MECOM: variants seen among roughly 807,000 people sequenced by gnomAD.
MECOM encodes the protein MDS1 and EVI1 complex locus.
Under a neutral mutation model 116.3 loss-of-function variants are expected in MECOM, and 13 were observed. The observed-to-expected ratio is 0.11, with a 90% CI of 0.07 to 0.18. The LOEUF (loss-of-function observed/expected upper bound fraction) is 0.18, where lower values mean the gene tolerates loss of function less well. Among genes scored for constraint, MECOM ranks in the 10% least tolerant of loss-of-function variants. MECOM has a pLI of 1.00. For missense variants in MECOM, 1,299 were observed against 1,509.0 expected (o/e 0.86, Z 2.31); for synonymous variants, 528 against 535.2 (o/e 0.99, Z 0.19).
chr3:169,366,915 C>T (rs1402244177), intron 2 of MECOM, among the ~76,000 whole-genome samples: 4 of 152,038 alleles, frequency 2.6e-5, no homozygotes, highest in African/African-American at 9.7e-5. Flanking sequence ...CATACACACA[C>T]ATCTTCTATG....
intron 1 of MECOM, among the ~76,000 whole-genome samples, chr3:169,647,858 T>C (rs1286812152): frequency 6.6e-6 from 1 of 152,128 alleles, no homozygotes; most frequent in Non-Finnish European, 1.5e-5. Flanking sequence ...GTTAATGCCC[T>C]GCAGAAGGAT....
At chr3:169,540,127 C>T (rs1012215160) in intron 1 of MECOM, among the ~76,000 whole-genome samples, 1 of 152,200 alleles carries the variant, frequency 6.6e-6, no homozygotes, top group Non-Finnish European at 1.5e-5. Context: ...CATTTTCCAG[C>T]TGCCTCTTGG....
At chr3:169,362,059 G>C (rs1728394460) in intron 2 of MECOM, among the ~76,000 whole-genome samples, 5 of 151,816 alleles carry the variant, frequency 3.3e-5, no homozygotes, top group Admixed American at 3.3e-4. Flanking sequence ...TTTCACACGG[G>C]AGAAATGATA....
intron 2 of MECOM, among the ~76,000 whole-genome samples, chr3:169,249,267 CTG>C (rs1006638191): frequency 5.3e-5 from 8 of 152,202 alleles, no homozygotes; most frequent in African/African-American, 1.9e-4. Flanking sequence ...GCTACCATAA[CTG>C]AACCATTTCT....
chr3:169,357,216 C>T (rs1197863204), intron 2 of MECOM, among the ~76,000 whole-genome samples: 5 of 151,794 alleles, frequency 3.3e-5, no homozygotes, highest in Admixed American at 6.6e-5. Context: ...ATAACAATAG[C>T]CTTAAAATGT....
intron 2 of MECOM, among the ~76,000 whole-genome samples, chr3:169,234,876 A>C (rs1468762034): frequency 6.6e-6 from 1 of 152,208 alleles, no homozygotes; most frequent in African/African-American, 2.4e-5. Flanking sequence ...TCCCAGAGGA[A>C]TTAAAATTAA....
intron 2 of MECOM, among the ~76,000 whole-genome samples, chr3:169,267,510 T>C (rs929125338): frequency 5.9e-5 from 9 of 152,174 alleles, no homozygotes; most frequent in South Asian, 2.1e-4. Flanking sequence ...TGCTTCTAGC[T>C]TTATTTAAGA....
intron 11 of MECOM, 78 bp from the exon 12 acceptor site, chr3:169,101,040 C>A: frequency 2.2e-6 from 2 of 906,702 alleles, no homozygotes; most frequent in Non-Finnish European, 1.7e-6. Context: ...CAGCCAGATG[C>A]TTATTCCTGA....
chr3:169,276,479 G>A lies in MECOM; in HGVS notation c.375+104708C>T, dbSNP rs181152756. Among the ~76,000 whole-genome samples the A allele has an allele frequency of 1.8e-3, 266 of 151,140 alleles. 2 individuals carry two copies. The highest frequency in any genetic ancestry group is 5.9e-3 in the African/African-American group (242 of 41,132). ...GAGGCAGGATAATTGCTTGAAACCG[G>A]GAGGCAGAGGTTGCAGTGAGCTGAG... On this transcript the variant is annotated intron_variant, in intron 2 of 16. Coordinates refer to ENST00000651503, the MANE Select transcript of MECOM (RefSeq NM_004991.4).
intron 1 of MECOM, among the ~76,000 whole-genome samples, chr3:169,542,340 A>C (rs1196557960): frequency 6.6e-6 from 1 of 152,072 alleles, no homozygotes; most frequent in African/African-American, 2.4e-5. Flanking sequence ...AAAAAAAAGA[A>C]CAGACTTATT....
chr3:169,649,022 G>A (rs1037815041), intron 1 of MECOM, among the ~76,000 whole-genome samples: 1 of 152,202 alleles, frequency 6.6e-6, no homozygotes, highest in Non-Finnish European at 1.5e-5. Flanking sequence ...CTGTGAGCAT[G>A]GAAGGAGTAA....
intron 1 of MECOM, among the ~76,000 whole-genome samples, chr3:169,428,475 T>C (rs1741085010): frequency 6.6e-6 from 1 of 152,186 alleles, no homozygotes; most frequent in East Asian, 1.9e-4. Context: ...AGTGCTCACC[T>C]GACAGCTGCT....
In MECOM at chr3:169,370,293, T is replaced by C. The variant is rs892839651; in HGVS notation, c.375+10894A>G. ...GAGAAAGGGTAGTCTCTTCAATAAATGGTGCTGAGAAAACTGAATATCTAA... is the reference window on the plus strand; with the variant it reads ...GAGAAAGGGTAGTCTCTTCAATAAACGGTGCTGAGAAAACTGAATATCTAA... On this transcript the variant is annotated intron_variant, in intron 2 of 16. Coordinates refer to ENST00000651503, the MANE Select transcript of MECOM (RefSeq NM_004991.4). 2.6e-5 allele frequency among the ~76,000 whole-genome samples: 4 copies of C among 151,994 alleles called. No homozygotes were observed. In the East Asian group the frequency reaches 7.7e-4, roughly 29 times the overall value.
intron 2 of MECOM, among the ~76,000 whole-genome samples, chr3:169,170,463 C>T (rs559055854): frequency 3.4e-4 from 51 of 151,044 alleles, no homozygotes; most frequent in African/African-American, 1.2e-3. Context: ...TCAGAAGCAA[C>T]CCTCGAATTA....
At chr3:169,461,286 T>C (rs1190136517) in intron 1 of MECOM, among the ~76,000 whole-genome samples, 1 of 152,164 alleles carries the variant, frequency 6.6e-6, no homozygotes, top group Non-Finnish European at 1.5e-5. Context: ...CTTATCTGAC[T>C]CATCATCTGG....
intron 3 of MECOM, among the ~76,000 whole-genome samples, chr3:169,139,530 T>C (rs1737448043): frequency 6.6e-6 from 1 of 152,132 alleles, no homozygotes; most frequent in East Asian, 1.9e-4. Context: ...TCAACTTACA[T>C]AAATTGTATT....
intron 2 of MECOM, among the ~76,000 whole-genome samples, chr3:169,190,860 C>A (rs1342454721): frequency 6.6e-6 from 1 of 152,036 alleles, no homozygotes; most frequent in Admixed American, 6.6e-5. Context: ...GGGACAAAAT[C>A]AGTACAAATG....
At chr3:169,487,186 A>T (rs570917302) in intron 1 of MECOM, among the ~76,000 whole-genome samples, 1 of 152,318 alleles carries the variant, frequency 6.6e-6, no homozygotes, top group East Asian at 1.9e-4. Flanking sequence ...AATCTAAAGA[A>T]TATACTTCAA....
chr3:169,567,049 T>A (rs191402524), intron 1 of MECOM, among the ~76,000 whole-genome samples: 37 of 152,350 alleles, frequency 2.4e-4, no homozygotes, highest in African/African-American at 7.9e-4. Flanking sequence ...TGACGATGGT[T>A]TATGTCGTTG....
Sources: gnomAD v4.1 joint callset for allele counts (sites outside exome capture counted in the v4.1 genomes callset) on GRCh38, gnomAD v4.1.1 for gene constraint, MANE v1.5 for transcripts, NCBI Gene and HGNC (gene_info 2026-07-23, HGNC 2026-07-21) for gene names.